WASF1: variants seen among roughly 807,000 people sequenced by gnomAD.
WASF1 encodes the protein WASP family member 1, also known as actin-binding protein WASF1.
WASF1 carries 7 observed loss-of-function variants against 50.5 expected under a neutral mutation model. The ratio of observed to expected loss-of-function variants is 0.14; its 90% CI spans 0.08 to 0.26. WASF1 has a LOEUF of 0.26. Among genes scored for constraint, WASF1 ranks in the 10% least tolerant of loss-of-function variants. The pLI is 1.00. For missense variants in WASF1, 470 were observed against 694.7 expected (o/e 0.68, Z 3.64); for synonymous variants, 205 against 244.0 (o/e 0.84, Z 1.49).
intron 2 of WASF1, among the ~76,000 whole-genome samples, chr6:110,161,205 A>AG (rs1776249307): frequency 6.6e-6 from 1 of 151,624 alleles, no homozygotes; most frequent in African/African-American, 2.4e-5. Context: ...CTTATGTTAT[A>AG]GTCTTTTACT....
In WASF1 at chr6:110,135,746, T is replaced by TA. The variant is rs1491174152; in HGVS notation, c.-28-8118dup. On this transcript the variant is annotated intron_variant, in intron 3 of 10. Transcript: ENST00000392589. ...CTTTTTTTTTTTTTTTTTTTTTTTT[T>TA]ACCAATTACTGGATTTAGTTTGGGT... Among the ~76,000 whole-genome samples, 11 of 145,004 alleles carry TA rather than the reference T, an allele frequency of 7.6e-5. No homozygotes were observed. In the South Asian group the frequency reaches 1.1e-3, roughly 14 times the overall value.
chr6:110,101,901 A>T lies in WASF1; in HGVS notation c.1209T>A (p.Ala403=). ...CTGGTACAGTCTCACATACTGGGGC[A>T]GCTCTAGCTACTGGTGGAGAGGGCT... ...LVQPSPPVAR[A]APVCETVPVH... The change falls in exon 10 of 11, where the codon GCT becomes GCA. Residue 403 remains alanine, a synonymous_variant. Transcript: ENST00000392589. 1 of 1,613,142 alleles carries T rather than the reference A, an allele frequency of 6.2e-7. No individual in the cohort carries two copies. Among genetic ancestry groups the T allele is most frequent in the Non-Finnish European group, 8.5e-7 (1 of 1,179,530 alleles).
intron 4 of WASF1, among the ~76,000 whole-genome samples, chr6:110,126,525 A>T (rs181558006): frequency 1.3e-5 from 2 of 152,320 alleles, no homozygotes; most frequent in East Asian, 3.9e-4. Context: ...TGTGCTAAGT[A>T]CTCAATTATA....
At chr6:110,111,939 T>C (rs750437506) in intron 5 of WASF1, among the ~76,000 whole-genome samples, 2 of 152,036 alleles carry the variant, frequency 1.3e-5, no homozygotes, top group Non-Finnish European at 2.9e-5. Context: ...TATACGTAGG[T>C]TGTGAAATAT....
At chr6:110,135,509 G>GT (rs1280506473) in intron 3 of WASF1, among the ~76,000 whole-genome samples, 4 of 151,904 alleles carry the variant, frequency 2.6e-5, no homozygotes, top group East Asian at 3.9e-4. Flanking sequence ...TGACTGTGGG[G>GT]TTTTTTTGTT....
At chr6:110,126,061 A>G (rs1774402414) in intron 4 of WASF1, among the ~76,000 whole-genome samples, 2 of 152,202 alleles carry the variant, frequency 1.3e-5, no homozygotes, top group South Asian at 4.1e-4. Flanking sequence ...GTTATACAAA[A>G]TTACTAATGC....
chr6:110,175,113 G>A (rs577031846), intron 2 of WASF1, among the ~76,000 whole-genome samples: 1 of 152,036 alleles, frequency 6.6e-6, no homozygotes, highest in East Asian at 1.9e-4. Flanking sequence ...AAGATGCCCC[G>A]TATTTTATGG....
intron 2 of WASF1, among the ~76,000 whole-genome samples, chr6:110,170,973 T>C (rs1356434126): frequency 2.0e-5 from 3 of 152,094 alleles, no homozygotes; most frequent in Non-Finnish European, 4.4e-5. Context: ...AGGGGAAACA[T>C]GAACTCATGA....
chr6:110,127,043 C>A (rs546109803), intron 4 of WASF1, among the ~76,000 whole-genome samples: 19 of 152,218 alleles, frequency 1.2e-4, no homozygotes, highest in African/African-American at 4.6e-4. Context: ...CACCTTAGAT[C>A]TTTGCTAATA....
At chr6:110,141,193 G>T (rs1341663214) in intron 3 of WASF1, among the ~76,000 whole-genome samples, 1 of 152,000 alleles carries the variant, frequency 6.6e-6, no homozygotes, top group African/African-American at 2.4e-5. Context: ...ACCCTTCCTT[G>T]GTTCCTTGTT....
chr6:110,145,954 G>A (rs1438549003), intron 3 of WASF1, among the ~76,000 whole-genome samples: 1 of 144,870 alleles, frequency 6.9e-6, no homozygotes, highest in African/African-American at 2.6e-5. Context: ...GACACAGGAA[G>A]GGGAACATCA....
Position 110,102,007 on chromosome 6 carries a change from A to G in WASF1, c.1103T>C (p.Val368Ala), listed in dbSNP as rs1402084730. 2 of 1,563,534 alleles carry G rather than the reference A, an allele frequency of 1.3e-6. No homozygotes were observed. The highest frequency in any genetic ancestry group is 2.7e-5 in the African/African-American group (2 of 73,552). Reference protein sequence around the residue: ...PPATALQAPAVPPPPAPLQIA... With the variant: ...PPATALQAPAAPPPPAPLQIA... ...CTGAAGAGGAGCTGGAGGTGGTGGT[A>G]CTGCTGGAGCTTGCAAAGCAGTGGC... Residue 368 changes from valine to alanine, a missense_variant, in exon 10 of 11, where the codon GTA becomes GCA. Coordinates refer to ENST00000392589, the MANE Select transcript of WASF1 (RefSeq NM_003931.3).
chr6:110,134,955 G>A (rs1458204577), intron 3 of WASF1, among the ~76,000 whole-genome samples: 1 of 152,048 alleles, frequency 6.6e-6, no homozygotes, highest in African/African-American at 2.4e-5. Context: ...ATTGCTTTTG[G>A]CAGTATGGTC....
chr6:110,141,016 T>C (rs1053265630), intron 3 of WASF1, among the ~76,000 whole-genome samples: 3 of 152,164 alleles, frequency 2.0e-5, no homozygotes, highest in Non-Finnish European at 4.4e-5. Context: ...CAGAATCACA[T>C]GCAATTTAAA....
intron 3 of WASF1, among the ~76,000 whole-genome samples, chr6:110,159,433 A>G (rs1279707091): frequency 6.6e-6 from 1 of 151,874 alleles, no homozygotes; most frequent in African/African-American, 2.4e-5. Context: ...GAAAAGGAAC[A>G]TTATCACTGA....
At chr6:110,147,240 G>A (rs1583999469) in intron 3 of WASF1, among the ~76,000 whole-genome samples, 9 of 150,132 alleles carry the variant, frequency 6.0e-5, no homozygotes, top group African/African-American at 9.8e-5. Context: ...CAGCTACTCG[G>A]GAGGCTGAGG....
intron 2 of WASF1, among the ~76,000 whole-genome samples, chr6:110,167,247 T>C (rs1776517162): frequency 6.6e-6 from 1 of 152,126 alleles, no homozygotes; most frequent in East Asian, 1.9e-4. Flanking sequence ...CTGGTTTATG[T>C]ATCTACTATC....
chr6:110,154,399 A>G (rs1775962967), intron 3 of WASF1, among the ~76,000 whole-genome samples: 2 of 152,120 alleles, frequency 1.3e-5, no homozygotes, highest in Admixed American at 6.6e-5. Context: ...CCTTTAGAAA[A>G]GAATTCTAAA....
intron 3 of WASF1, among the ~76,000 whole-genome samples, chr6:110,144,221 G>A (rs889727078): frequency 1.3e-5 from 2 of 152,180 alleles, no homozygotes; most frequent in African/African-American, 2.4e-5. Flanking sequence ...AAGTGATGAT[G>A]AGCTTTTTTT....
Sources: allele counts gnomAD v4.1 joint callset (sites outside exome capture counted in the v4.1 genomes callset), GRCh38; gene constraint gnomAD v4.1.1; transcripts MANE v1.5; gene names NCBI Gene and HGNC (gene_info 2026-07-23, HGNC 2026-07-21).